Variants in ITCH observed in about 807,000 individuals in gnomAD.
ITCH encodes E3 ubiquitin-protein ligase Itchy homolog.
In ITCH, 28 loss-of-function variants were observed where a neutral mutation model predicts 126.8. The ratio of observed to expected loss-of-function variants is 0.22; its 90% CI spans 0.16 to 0.30. The LOEUF is 0.30. Ranked by LOEUF, ITCH falls within the 10% of genes least tolerant of loss-of-function variation. The pLI, the probability that ITCH is intolerant of heterozygous loss-of-function variation, is 1.00. For synonymous variants in ITCH, 342 were observed against 340.0 expected (o/e 1.01, Z -0.06); for missense variants, 631 against 1,032.4 (o/e 0.61, Z 5.33).
chr20:34,410,566 G>A (rs893447199), intron 4 of ITCH, among the ~76,000 whole-genome samples: 2 of 152,088 alleles, frequency 1.3e-5, no homozygotes, highest in Non-Finnish European at 2.9e-5. Context: ...CATGAGGCTG[G>A]GAATGACTGC....
At chr20:34,477,582 A>G (rs952668584) in intron 16 of ITCH, among the ~76,000 whole-genome samples, 190 bp from the exon 17 acceptor site, 13 of 152,178 alleles carry the variant, frequency 8.5e-5, no homozygotes, top group African/African-American at 2.7e-4. Flanking sequence ...ATATAGATGT[A>G]TATAATAAAA....
intron 7 of ITCH, among the ~76,000 whole-genome samples, chr20:34,429,361 A>G (rs556663240): frequency 6.6e-6 from 1 of 152,234 alleles, no homozygotes; most frequent in Non-Finnish European, 1.5e-5. Flanking sequence ...CTTTACTAAA[A>G]TAACTTAAAC....
chr20:34,395,841 C>G (rs1277564999), intron 3 of ITCH, among the ~76,000 whole-genome samples: 2 of 151,980 alleles, frequency 1.3e-5, no homozygotes, highest in Non-Finnish European at 2.9e-5. Flanking sequence ...AAAATCCATT[C>G]TTCAGTTGAG....
intron 11 of ITCH, among the ~76,000 whole-genome samples, chr20:34,446,155 G>A (rs886163206): frequency 6.6e-6 from 1 of 152,064 alleles, no homozygotes; most frequent in African/African-American, 2.4e-5. Context: ...TTGATCTTTT[G>A]TCTGGAGGAA....
chr20:34,393,311 C>T (rs1345066571), intron 2 of ITCH, among the ~76,000 whole-genome samples: 1 of 152,074 alleles, frequency 6.6e-6, no homozygotes, highest in African/African-American at 2.4e-5. Flanking sequence ...GAGTTTGAAA[C>T]CAGCCTGGGC....
intron 10 of ITCH, among the ~76,000 whole-genome samples, chr20:34,442,592 A>C (rs1983892680): frequency 6.6e-6 from 1 of 152,074 alleles, no homozygotes. Flanking sequence ...AGCTCAAGCC[A>C]TCCTCCCGCG....
intron 13 of ITCH, 78 bp downstream of exon 13, chr20:34,457,552 C>G (rs935965666): frequency 2.9e-6 from 3 of 1,029,074 alleles, no homozygotes; most frequent in South Asian, 1.3e-5. Context: ...GATCAAAGTT[C>G]ATATTCTTTT....
At position 34,504,113 on chromosome 20, in the gene ITCH, TC is replaced by T. The variant is rs1600515187; in HGVS notation, c.2417-217del. ...CCAGGCTGATCTTGAACTCCTGACCTCAAGTGAGCTGCCCACCTTTGCCTCT... is the reference window on the plus strand; with the variant it reads ...CCAGGCTGATCTTGAACTCCTGACCTAAGTGAGCTGCCCACCTTTGCCTCT... On this transcript the variant is annotated intron_variant, in intron 23 of 24. Transcript: ENST00000374864. Among the ~76,000 whole-genome samples the T allele has an allele frequency of 2.6e-5, 4 of 152,172 alleles. No homozygotes were observed. The East Asian group carries it at 7.7e-4, about 29-fold the overall frequency.
At chr20:34,489,967 AT>A in intron 22 of ITCH, 41 bp downstream of exon 22, 2 of 1,457,044 alleles carry the variant, frequency 1.4e-6, no homozygotes, top group Non-Finnish European at 1.9e-6. Context: ...ACACAGCATA[AT>A]TTTTTAGAAT....
intron 7 of ITCH, among the ~76,000 whole-genome samples, chr20:34,432,188 C>T (rs1030647072): frequency 6.6e-6 from 1 of 151,994 alleles, no homozygotes; most frequent in Non-Finnish European, 1.5e-5. Flanking sequence ...CTTAGCTTAT[C>T]CCAAGATGAG....
intron 2 of ITCH, among the ~76,000 whole-genome samples, chr20:34,379,342 C>G (rs1182502304): frequency 2.0e-5 from 3 of 152,106 alleles, no homozygotes; most frequent in South Asian, 2.1e-4. Flanking sequence ...ACATTACATA[C>G]AGTTTACCAT....
At chr20:34,364,007 T>TA (rs2037308489) in intron 1 of ITCH, among the ~76,000 whole-genome samples, 1 of 152,162 alleles carries the variant, frequency 6.6e-6, no homozygotes, top group Non-Finnish European at 1.5e-5. Flanking sequence ...AGAGTGCCCT[T>TA]TTCTTTAGCA....
intron 7 of ITCH, among the ~76,000 whole-genome samples, chr20:34,429,561 G>C (rs143022043): frequency 2.0e-5 from 3 of 152,204 alleles, no homozygotes; most frequent in Admixed American, 6.5e-5. Context: ...ACAATGGTTA[G>C]ACACACACGT....
At chr20:34,456,182 GTGTATATATA>G (rs1237753270) in intron 12 of ITCH, among the ~76,000 whole-genome samples, 66 of 37,174 alleles carry the variant, frequency 1.8e-3, no homozygotes, top group South Asian at 8.5e-3. Context: ...GTGTGTGTGT[GTGTATATATA>G]TATATATATA....
chr20:34,462,042 A>G (rs764956850), intron 13 of ITCH, 51 bp from the exon 14 acceptor site: 3 of 1,590,690 alleles, frequency 1.9e-6, no homozygotes, highest in South Asian at 2.2e-5. Context: ...GTACTTGGCA[A>G]ACAAGCAACT....
intron 16 of ITCH, chr20:34,476,345 C>G: frequency 7.6e-7 from 1 of 1,322,830 alleles, no homozygotes; most frequent in Non-Finnish European, 1.0e-6. Context: ...GCGCTCCGGC[C>G]CGGTCCCCGG....
chr20:34,395,061 G>A (rs1018613106), intron 3 of ITCH, among the ~76,000 whole-genome samples: 4 of 151,734 alleles, frequency 2.6e-5, no homozygotes, highest in South Asian at 4.2e-4. Context: ...GTGAAACCCC[G>A]TCTCTATTAA....
chr20:34,477,681 TA>T, intron 16 of ITCH, 90 bp from the exon 17 acceptor site: 2 of 1,142,948 alleles, frequency 1.7e-6, no homozygotes, highest in Middle Eastern at 2.6e-4. Context: ...AGATTTCAGT[TA>T]CCTATAACGA....
At chr20:34,453,456 G>T (rs1985493120) in intron 12 of ITCH, among the ~76,000 whole-genome samples, 1 of 152,096 alleles carries the variant, frequency 6.6e-6, no homozygotes, top group African/African-American at 2.4e-5. Context: ...ACAAAAATTA[G>T]TTGGGTGTGG....
Sources: allele counts gnomAD v4.1 joint callset (sites outside exome capture counted in the v4.1 genomes callset), GRCh38; gene constraint gnomAD v4.1.1; transcripts MANE v1.5; gene names NCBI Gene and HGNC (gene_info 2026-07-23, HGNC 2026-07-21).